Variants in OSBPL1A observed in about 807,000 individuals in gnomAD.
OSBPL1A encodes oxysterol binding protein like 1A.
A neutral mutation model predicts 137.1 loss-of-function variants in OSBPL1A; 80 were observed. The observed-to-expected ratio is 0.58, with a 90% CI of 0.49 to 0.70. The LOEUF is 0.70. Ranked by LOEUF, OSBPL1A falls within the 30% of genes least tolerant of loss-of-function variation. The pLI, the probability that OSBPL1A is intolerant of heterozygous loss-of-function variation, is 0.00. For synonymous variants in OSBPL1A, 365 were observed against 389.7 expected, an observed-to-expected ratio of 0.94 and a Z score of 0.75; for missense variants, 970 against 1,129.4, an observed-to-expected ratio of 0.86 and a Z score of 2.02.
chr18:24,314,161 G>T, intron 12 of OSBPL1A, 88 bp downstream of exon 12: 1 of 769,516 alleles, frequency 1.3e-6, no homozygotes, highest in Non-Finnish European at 2.1e-6. Flanking sequence ...ACAAGATGTT[G>T]GATGTTACCA....
chr18:24,242,335 T>A (rs1190325623), intron 15 of OSBPL1A, among the ~76,000 whole-genome samples: 9 of 141,108 alleles, frequency 6.4e-5, no homozygotes, highest in African/African-American at 1.8e-4. Flanking sequence ...AGTTAGGGGG[T>A]TAAAAAAAAA....
chr18:24,317,237 A>C, intron 10 of OSBPL1A, 25 bp from the exon 11 acceptor site: 1 of 1,612,798 alleles, frequency 6.2e-7, no homozygotes, highest in Non-Finnish European at 8.5e-7. Context: ...TGAAATTATC[A>C]AGACAAAAGG....
At chr18:24,189,465 C>T (rs1486771202) in intron 18 of OSBPL1A, among the ~76,000 whole-genome samples, 1 of 152,086 alleles carries the variant, frequency 6.6e-6, no homozygotes, top group East Asian at 1.9e-4. Flanking sequence ...CACTGACAGC[C>T]GGGGGCTGGC....
At chr18:24,236,534 G>A (rs1049327304) in intron 16 of OSBPL1A, among the ~76,000 whole-genome samples, 1 of 152,194 alleles carries the variant, frequency 6.6e-6, no homozygotes, top group Non-Finnish European at 1.5e-5. Context: ...TTTCTACACT[G>A]TGCCAAATTA....
chr18:24,225,868 A>T (rs1267388682), intron 16 of OSBPL1A, among the ~76,000 whole-genome samples: 1 of 152,122 alleles, frequency 6.6e-6, no homozygotes, highest in Non-Finnish European at 1.5e-5. Flanking sequence ...GCTACTGGGG[A>T]GGCTGAGGCA....
At chr18:24,368,456 T>G (rs1905348087) in intron 2 of OSBPL1A, 84 bp from the exon 3 acceptor site, 1 of 986,876 alleles carries the variant, frequency 1.0e-6, no homozygotes, top group Non-Finnish European at 1.6e-6. Context: ...ACAAGCTACC[T>G]CAATAATCTC....
chr18:24,189,019 C>T (rs1378125098), intron 18 of OSBPL1A, among the ~76,000 whole-genome samples: 1 of 152,206 alleles, frequency 6.6e-6, no homozygotes, highest in East Asian at 1.9e-4. Context: ...CTAGAAACTT[C>T]TATCATTGAG....
chr18:24,328,759 A>C (rs2091024173), intron 7 of OSBPL1A, among the ~76,000 whole-genome samples: 1 of 152,196 alleles, frequency 6.6e-6, no homozygotes, highest in African/African-American at 2.4e-5. Context: ...TGGCTAGTCC[A>C]TACTGAGATG....
At chr18:24,179,292 C>A in intron 20 of OSBPL1A, 1 of 163,102 alleles carries the variant, frequency 6.1e-6, no homozygotes, top group Admixed American at 6.1e-5. Context: ...CACCACAACC[C>A]AGCTAATAAA....
At chr18:24,189,266 T>C (rs1000215050) in intron 18 of OSBPL1A, among the ~76,000 whole-genome samples, 4 of 152,172 alleles carry the variant, frequency 2.6e-5, no homozygotes, top group Non-Finnish European at 5.9e-5. Context: ...TTGAAAATAT[T>C]GTATAAATGT....
intron 1 of OSBPL1A, among the ~76,000 whole-genome samples, chr18:24,378,834 A>G (rs1426518261): frequency 6.6e-6 from 1 of 152,178 alleles, no homozygotes; most frequent in Non-Finnish European, 1.5e-5. Flanking sequence ...TACAAGAGAG[A>G]CACCAGGAGG....
chr18:24,325,324 G>A (rs1393796239), intron 7 of OSBPL1A, among the ~76,000 whole-genome samples: 1 of 152,108 alleles, frequency 6.6e-6, no homozygotes, highest in Admixed American at 6.5e-5. Flanking sequence ...TGCAGGCCTG[G>A]GCCTCTGGCA....
At chr18:24,343,430 C>T (rs779797033) in intron 4 of OSBPL1A, among the ~76,000 whole-genome samples, 14 of 151,974 alleles carry the variant, frequency 9.2e-5, no homozygotes, top group Non-Finnish European at 1.9e-4. Flanking sequence ...CAATGCAATC[C>T]CTATCAAATA....
rs2090676971 is a variant in OSBPL1A at position 24,314,233 on chromosome 18, G to T, written c.969+16C>A. The T allele has an allele frequency of 2.0e-6, 3 of 1,525,146 alleles. No homozygotes were observed. The African/African-American group carries it at 4.2e-5, about 21-fold the overall frequency. 94.5% of individuals were successfully genotyped at this position (1,525,146 alleles called of 1,614,324 possible). ...TCTGTAAGTTTTAGGAAAGATACAT[G>T]AATCCATAAGATTACCTCTCTTGAC... On this transcript the variant is annotated intron_variant, in intron 12 of 27. Transcript: ENST00000319481.
chr18:24,167,295 A>G, intron 25 of OSBPL1A, 34 bp downstream of exon 25: 1 of 1,569,642 alleles, frequency 6.4e-7, no homozygotes, highest in South Asian at 1.1e-5. Context: ...CTAAACACAG[A>G]CAGTGAGGCC....
intron 12 of OSBPL1A, 51 bp downstream of exon 12, chr18:24,314,198 C>G (rs370063008): frequency 7.9e-7 from 1 of 1,258,752 alleles, no homozygotes; most frequent in African/African-American, 1.5e-5. Context: ...TTCTCCGTGT[C>G]TTTAAATGTT....
chr18:24,230,226 G>A lies in OSBPL1A; in HGVS notation c.1445-5028C>T, dbSNP rs543735354. On this transcript the variant is annotated intron_variant, in intron 16 of 27. Transcript: ENST00000319481. ...AGTAGGGTTAGGCCACGACACTCAG[G>A]CTTTCAGGACAAACAAGGAGAGGGA... Among the ~76,000 whole-genome samples, 311 of 152,288 alleles carry A rather than the reference G, an allele frequency of 2.0e-3. 2 individuals carry two copies. The highest frequency in any genetic ancestry group is 7.3e-3 in the African/African-American group (303 of 41,560).
At chr18:24,350,482 G>C (rs1309711881) in intron 4 of OSBPL1A, among the ~76,000 whole-genome samples, 36 of 152,086 alleles carry the variant, frequency 2.4e-4, no homozygotes. Context: ...GGTAGAGATA[G>C]GGTCTCACTA....
At chr18:24,361,117 C>T (rs1250675374) in intron 4 of OSBPL1A, among the ~76,000 whole-genome samples, 1 of 152,172 alleles carries the variant, frequency 6.6e-6, no homozygotes. Context: ...GCAGCCTCAA[C>T]TTCCTGGGCT....
Sources: gnomAD v4.1 joint callset for allele counts (sites outside exome capture counted in the v4.1 genomes callset) on GRCh38, gnomAD v4.1.1 for gene constraint, MANE v1.5 for transcripts, NCBI Gene and HGNC (gene_info 2026-07-23, HGNC 2026-07-21) for gene names.